C14orf39: variants seen among roughly 807,000 people sequenced by gnomAD.
The protein encoded by C14orf39 is chromosome 14 open reading frame 39.
Under a neutral mutation model 85.6 loss-of-function variants are expected in C14orf39, and 66 were observed. The ratio of observed to expected loss-of-function variants is 0.77; its 90% CI spans 0.63 to 0.95. The LOEUF is 0.95. Among genes scored for constraint, C14orf39 ranks in the 40% least tolerant of loss-of-function variants. The probability of loss-of-function intolerance (pLI) is 0.00; values close to 1 mark genes in which losing one functional copy is unlikely to be tolerated. For missense variants in C14orf39, 735 were observed against 663.9 expected, an observed-to-expected ratio of 1.11 and a Z score of -1.18; for synonymous variants, 242 against 214.0, an observed-to-expected ratio of 1.13 and a Z score of -1.14.
chr14:60,461,562 G>T lies in C14orf39; in HGVS notation c.1004C>A (p.Ser335Ter). Residue 335 changes from serine (S) to a stop codon, truncating the protein, a stop_gained, in exon 12 of 18, where the codon TCA becomes TAA. Coordinates refer to ENST00000321731, the MANE Select transcript of C14orf39 (RefSeq NM_174978.3). LOFTEE classifies it high-confidence loss of function. ...IFNDSAVDNH[S>*]KCSHITTITS... ...GATAGTCGTAATATGTGAACATTTTGAATGGTTATCCACAGCAGAGTCATT... is the reference window on the plus strand; with the variant it reads ...GATAGTCGTAATATGTGAACATTTTTAATGGTTATCCACAGCAGAGTCATT... The T allele has an allele frequency of 6.3e-7, 1 of 1,584,474 alleles. No individual in the cohort carries two copies. Among genetic ancestry groups the T allele is most frequent in the Non-Finnish European group, 8.6e-7 (1 of 1,168,904 alleles).
At chr14:60,500,315 C>T (rs1028790393) in intron 1 of C14orf39, among the ~76,000 whole-genome samples, 2 of 152,176 alleles carry the variant, frequency 1.3e-5, no homozygotes, top group African/African-American at 4.8e-5. Context: ...GTGTCAGCCA[C>T]CACGCCTGGC....
At chr14:60,466,421 C>T (rs531075741) in intron 10 of C14orf39, among the ~76,000 whole-genome samples, 1 of 146,012 alleles carries the variant, frequency 6.8e-6, no homozygotes, top group African/African-American at 2.5e-5. Context: ...AATGCCAAAA[C>T]CATTATGTAA....
At chr14:60,470,607 A>G (rs1892030652) in intron 7 of C14orf39, among the ~76,000 whole-genome samples, 1 of 151,910 alleles carries the variant, frequency 6.6e-6, no homozygotes, top group Non-Finnish European at 1.5e-5. Flanking sequence ...GCGTCTACTA[A>G]CTTTGGCCCC....
At chr14:60,489,037 C>A (rs951645629), upstream of C14orf39, among the ~76,000 whole-genome samples, 4 of 152,080 alleles carry the variant, frequency 2.6e-5, no homozygotes, top group Non-Finnish European at 5.9e-5. Flanking sequence ...TTTTGGGGGT[C>A]ATGCATCCAT....
intron 1 of C14orf39, chr14:60,511,729 A>ACC (rs1285243893): frequency 8.9e-5 from 21 of 235,922 alleles, no homozygotes; most frequent in African/African-American, 4.8e-4. Flanking sequence ...CTGTTTCTAA[A>ACC]CATGCAGGCT....
intron 5 of C14orf39, among the ~76,000 whole-genome samples, chr14:60,475,628 G>A (rs192336021): frequency 2.2e-4 from 33 of 152,042 alleles, no homozygotes; most frequent in African/African-American, 4.6e-4. Context: ...AAATTCTCTC[G>A]TGCCATAATA....
At chr14:60,480,622 G>A (rs755855084) in intron 4 of C14orf39, among the ~76,000 whole-genome samples, 2 of 152,082 alleles carry the variant, frequency 1.3e-5, no homozygotes, top group Non-Finnish European at 1.5e-5. Context: ...CAAAGGAAAC[G>A]AAATCAGTAC....
intron 1 of C14orf39, among the ~76,000 whole-genome samples, chr14:60,513,290 T>C (rs1455896871): frequency 6.6e-6 from 1 of 152,218 alleles, no homozygotes; most frequent in African/African-American, 2.4e-5. Flanking sequence ...AAGGCTCCCA[T>C]TGTAGAGCTT....
chr14:60,508,337 G>C (rs534844890), intron 1 of C14orf39, among the ~76,000 whole-genome samples: 1 of 152,168 alleles, frequency 6.6e-6, no homozygotes, highest in African/African-American at 2.4e-5. Context: ...GGCTCTAGAT[G>C]TGGCTATGCT....
intron 1 of C14orf39, among the ~76,000 whole-genome samples, chr14:60,514,065 A>C (rs1594633499): frequency 6.6e-6 from 1 of 152,316 alleles, no homozygotes; most frequent in East Asian, 1.9e-4. Flanking sequence ...ATGGCACCTA[A>C]TTGCCTCTGT....
intron 1 of C14orf39, among the ~76,000 whole-genome samples, chr14:60,485,417 C>A (rs1892837625): frequency 6.6e-6 from 1 of 152,240 alleles, no homozygotes; most frequent in Admixed American, 6.5e-5. Context: ...GATTTCTCCA[C>A]AGGATATGCC....
intron 1 of C14orf39, among the ~76,000 whole-genome samples, chr14:60,514,904 C>G (rs907835846): frequency 6.6e-6 from 1 of 152,088 alleles, no homozygotes; most frequent in Non-Finnish European, 1.5e-5. Flanking sequence ...GTGGAGCGGC[C>G]GGCGGGGCTG....
At chr14:60,483,224 T>C (rs1892724682) in intron 4 of C14orf39, among the ~76,000 whole-genome samples, 1 of 152,056 alleles carries the variant, frequency 6.6e-6, no homozygotes. Flanking sequence ...GTACAGAAAA[T>C]TTATATTTGT....
chr14:60,442,439 ATTTT>A (rs962550638), intron 16 of C14orf39, among the ~76,000 whole-genome samples: 1 of 151,892 alleles, frequency 6.6e-6, no homozygotes, highest in Admixed American at 6.5e-5. Flanking sequence ...GGTTGTTGGT[ATTTT>A]TTTTGCCTAT....
At chr14:60,496,200 G>C (rs1041231421) in intron 2 of C14orf39, 9 of 428,996 alleles carry the variant, frequency 2.1e-5, no homozygotes, top group Non-Finnish European at 4.3e-5. Flanking sequence ...AGATTCACAT[G>C]TTCATCTGAA....
intron 1 of C14orf39, chr14:60,511,307 A>G (rs1893290790): frequency 1.3e-6 from 2 of 1,581,720 alleles, no homozygotes; most frequent in Non-Finnish European, 1.7e-6. Flanking sequence ...GAGAAAAACA[A>G]AATGAAAGAG....
At chr14:60,509,604 A>C in intron 1 of C14orf39, 1 of 1,613,542 alleles carries the variant, frequency 6.2e-7, no homozygotes, top group Non-Finnish European at 8.5e-7. Flanking sequence ...AACTACCGCG[A>C]GCTCTATCAT....
At chr14:60,467,126 T>C (rs1436425434) in intron 9 of C14orf39, 82 bp from the exon 10 acceptor site, 5 of 651,306 alleles carry the variant, frequency 7.7e-6, no homozygotes, top group Non-Finnish European at 1.1e-5. Flanking sequence ...ATTTAGATAC[T>C]ATATAATAAA....
chr14:60,471,171 T>C (rs1892056962), intron 7 of C14orf39, among the ~76,000 whole-genome samples: 2 of 152,104 alleles, frequency 1.3e-5, no homozygotes, highest in Non-Finnish European at 2.9e-5. Flanking sequence ...ATTGGTTTGG[T>C]TCCTAAGACA....
Sources: allele counts gnomAD v4.1 joint callset (sites outside exome capture counted in the v4.1 genomes callset), GRCh38; gene constraint gnomAD v4.1.1; transcripts MANE v1.5; gene names NCBI Gene and HGNC (gene_info 2026-07-23, HGNC 2026-07-21).